Variants in AFG1L observed in about 807,000 individuals in gnomAD.
The protein encoded by AFG1L is AFG1 like ATPase.
In AFG1L, 53 loss-of-function variants were observed where a neutral mutation model predicts 62.2. That is an observed-to-expected ratio of 0.85 (90% CI 0.68 to 1.07). The LOEUF is 1.07. AFG1L is among the 50% of genes least tolerant of loss of function. AFG1L has a pLI of 0.00. For synonymous variants in AFG1L, 228 were observed against 210.3 expected (o/e 1.08, Z -0.73); for missense variants, 555 against 590.5 (o/e 0.94, Z 0.62).
chr6:108,422,477 CAAA>C lies in AFG1L; in HGVS notation c.807+20443_807+20445del, dbSNP rs539232525. 1.0e-3 allele frequency among the ~76,000 whole-genome samples: 48 copies of C among 45,810 alleles called. 1 individual carries two copies. Among genetic ancestry groups the C allele is most frequent in the African/African-American group, 4.0e-3 (38 of 9,614 alleles). The allele number at this position is 45,810 out of a possible 152,430, so 30.1% of individuals were successfully genotyped here. On this transcript the variant is annotated intron_variant, in intron 7 of 12. Coordinates refer to ENST00000368977, the MANE Select transcript of AFG1L (RefSeq NM_145315.5). The stretch of plus-strand genomic sequence containing the variant: ...ATATTTTTTTAAAATTAGTCCTCAG[CAAA>C]AAAAAAAAAAAAAAAAAAAGAAGAA...
In AFG1L at chr6:108,519,811, G is replaced by A. The variant is rs771157126; in HGVS notation, c.1317+1G>A. On this transcript the variant is annotated splice_donor_variant, in intron 12 of 12. Transcript: ENST00000368977. LOFTEE classifies it high-confidence loss of function. Reference sequence around the variant, plus strand: ...GATGGATGATTTGGGGCTGAGCCAGGTAGGCGATATTAACATAATCTCTTT... The same window carrying A: ...GATGGATGATTTGGGGCTGAGCCAGATAGGCGATATTAACATAATCTCTTT... The A allele has an allele frequency of 4.4e-6, 7 of 1,577,200 alleles. No homozygotes were observed. The Admixed American group carries it at 1.1e-4, about 24-fold the overall frequency.
At chr6:108,372,394 G>A (rs891464316) in intron 6 of AFG1L, among the ~76,000 whole-genome samples, 20 of 149,370 alleles carry the variant, frequency 1.3e-4, no homozygotes, top group Admixed American at 4.7e-4. Context: ...CAGTGGTGTA[G>A]TCTTGGCTCA....
intron 2 of AFG1L, among the ~76,000 whole-genome samples, chr6:108,338,049 G>T (rs935967623): frequency 6.6e-6 from 1 of 152,130 alleles, no homozygotes; most frequent in Non-Finnish European, 1.5e-5. Context: ...AGCTGGGCAT[G>T]GTGGTGGGCA....
chr6:108,484,441 C>T (rs1773444561), intron 10 of AFG1L, among the ~76,000 whole-genome samples: 1 of 152,060 alleles, frequency 6.6e-6, no homozygotes, highest in Admixed American at 6.6e-5. Flanking sequence ...TCTACCTTTC[C>T]CCATCCACAT....
At chr6:108,472,300 A>G (rs1302041305) in intron 8 of AFG1L, among the ~76,000 whole-genome samples, 1 of 152,188 alleles carries the variant, frequency 6.6e-6, no homozygotes, top group Non-Finnish European at 1.5e-5. Context: ...CTAAAGATCA[A>G]ATATACAGCA....
chr6:108,393,102 C>G (rs1781130129), intron 6 of AFG1L, among the ~76,000 whole-genome samples: 1 of 151,886 alleles, frequency 6.6e-6, no homozygotes, highest in African/African-American at 2.4e-5. Context: ...TTTATATGAC[C>G]AAGTGCTCAT....
At chr6:108,425,955 A>G (rs940865715) in intron 7 of AFG1L, among the ~76,000 whole-genome samples, 2 of 152,146 alleles carry the variant, frequency 1.3e-5, no homozygotes, top group African/African-American at 2.4e-5. Flanking sequence ...GTCTCTTTTC[A>G]TCTTCAGATA....
At chr6:108,349,495 T>C (rs1778996441) in intron 3 of AFG1L, among the ~76,000 whole-genome samples, 1 of 150,968 alleles carries the variant, frequency 6.6e-6, no homozygotes. Flanking sequence ...AAAAATGAAA[T>C]AAAATAGGTA....
At chr6:108,301,037 A>T (rs1192138891) in intron 1 of AFG1L, among the ~76,000 whole-genome samples, 2 of 152,118 alleles carry the variant, frequency 1.3e-5, no homozygotes, top group African/African-American at 2.4e-5. Flanking sequence ...TGTTTCTTGG[A>T]TTTTTGTTAA....
At chr6:108,368,789 G>A (rs1779866246) in intron 6 of AFG1L, among the ~76,000 whole-genome samples, 1 of 152,162 alleles carries the variant, frequency 6.6e-6, no homozygotes, top group Admixed American at 6.6e-5. Context: ...ATGGCAGTGT[G>A]GTTAACTAAC....
intron 6 of AFG1L, among the ~76,000 whole-genome samples, chr6:108,396,819 T>G (rs1054355794): frequency 6.6e-6 from 1 of 152,118 alleles, no homozygotes; most frequent in Non-Finnish European, 1.5e-5. Flanking sequence ...TTATGAGGTA[T>G]GTGAGATATT....
At chr6:108,513,059 T>C (rs1354095964) in intron 11 of AFG1L, among the ~76,000 whole-genome samples, 1 of 152,210 alleles carries the variant, frequency 6.6e-6, no homozygotes, top group East Asian at 1.9e-4. Flanking sequence ...AAATAATGAT[T>C]TTTAAAGATA....
At chr6:108,418,243 A>G (rs990632202) in intron 7 of AFG1L, among the ~76,000 whole-genome samples, 1 of 152,336 alleles carries the variant, frequency 6.6e-6, no homozygotes. Flanking sequence ...GCCAGTGGCC[A>G]AATCTGGCCT....
intron 1 of AFG1L, 122 bp downstream of exon 1, chr6:108,295,340 C>T: frequency 8.9e-7 from 1 of 1,125,454 alleles, no homozygotes; most frequent in Non-Finnish European, 1.2e-6. Context: ...GAGGGCTCCT[C>T]GAGAGGAGTT....
intron 10 of AFG1L, among the ~76,000 whole-genome samples, chr6:108,489,204 G>T (rs529728430): frequency 6.6e-6 from 1 of 152,158 alleles, no homozygotes; most frequent in South Asian, 2.1e-4. Context: ...AACCAGAGAA[G>T]AGCAAATCAG....
At chr6:108,455,462 T>C (rs1341149154) in intron 8 of AFG1L, among the ~76,000 whole-genome samples, 1 of 152,214 alleles carries the variant, frequency 6.6e-6, no homozygotes, top group African/African-American at 2.4e-5. Context: ...GTGTTGATTT[T>C]CTCTATTATT....
chr6:108,400,217 A>G (rs1452863333), intron 6 of AFG1L, among the ~76,000 whole-genome samples: 1 of 152,090 alleles, frequency 6.6e-6, no homozygotes, highest in African/African-American at 2.4e-5. Context: ...TCAGACATCT[A>G]GTACTATGTT....
chr6:108,311,135 G>A (rs927851853), intron 1 of AFG1L, among the ~76,000 whole-genome samples: 4 of 152,078 alleles, frequency 2.6e-5, no homozygotes, highest in Admixed American at 6.6e-5. Flanking sequence ...CTGCCTCACC[G>A]GGCTCCCTTG....
At chr6:108,354,716 C>T (rs192051490) in intron 3 of AFG1L, among the ~76,000 whole-genome samples, 15 of 151,894 alleles carry the variant, frequency 9.9e-5, no homozygotes, top group Non-Finnish European at 1.5e-4. Context: ...TGGGATGGAA[C>T]GGGGTGACAT....
Sources: allele counts gnomAD v4.1 joint callset (sites outside exome capture counted in the v4.1 genomes callset), GRCh38; gene constraint gnomAD v4.1.1; transcripts MANE v1.5; gene names NCBI Gene and HGNC (gene_info 2026-07-23, HGNC 2026-07-21).